Variants in SLC35F2 observed in about 807,000 individuals in gnomAD.
The protein encoded by SLC35F2 is solute carrier family 35 member F2, also known as queuine/queuosine transporter SLC35F2.
In SLC35F2, 25 loss-of-function variants were observed where a neutral mutation model predicts 38.1. The observed-to-expected ratio is 0.66, with a 90% CI of 0.48 to 0.92. The LOEUF is 0.92. Ranked by LOEUF, SLC35F2 falls within the 40% of genes least tolerant of loss-of-function variation. The pLI is 0.00. For synonymous variants in SLC35F2, 173 were observed against 181.7 expected (o/e 0.95, Z 0.38); for missense variants, 409 against 452.9 (o/e 0.90, Z 0.88).
intron 1 of SLC35F2, among the ~76,000 whole-genome samples, chr11:107,839,745 C>T (rs1859987000): frequency 6.6e-6 from 1 of 152,124 alleles, no homozygotes; most frequent in Admixed American, 6.6e-5. Context: ...CCTCTGCCTC[C>T]TGGGTTCAAG....
At chr11:107,817,135 G>A (rs1374738087) in intron 1 of SLC35F2, among the ~76,000 whole-genome samples, 2 of 152,052 alleles carry the variant, frequency 1.3e-5, no homozygotes, top group Non-Finnish European at 2.9e-5. Flanking sequence ...CATTAGCGGG[G>A]TGTGGTGGCA....
rs71047623 is a variant in SLC35F2 at position 107,803,776 on chromosome 11, A to AACACACACACACACACACACACACAC, written c.785-622_785-621insGTGTGTGTGTGTGTGTGTGTGTGTGT. Reference sequence around the variant, plus strand: ...ACTTCTTTAATCTCATCCCATACTCAACACACACACACACACACACACACT... The same window carrying AACACACACACACACACACACACACAC: ...ACTTCTTTAATCTCATCCCATACTCAACACACACACACACACACACACACACACACACACACACACACACACACACT... On this transcript the variant is annotated intron_variant, in intron 6 of 7. Transcript: ENST00000525815. 4.4e-3 allele frequency among the ~76,000 whole-genome samples: 652 copies of AACACACACACACACACACACACACAC among 149,556 alleles called. 6 individuals carry two copies. Among genetic ancestry groups the AACACACACACACACACACACACACAC allele is most frequent in the East Asian group, 0.032 (158 of 4,996 alleles).
intron 1 of SLC35F2, among the ~76,000 whole-genome samples, chr11:107,817,544 T>C (rs1859594712): frequency 6.6e-6 from 1 of 152,082 alleles, no homozygotes; most frequent in Admixed American, 6.5e-5. Flanking sequence ...AGATCATTTC[T>C]CATGTCTAAA....
chr11:107,802,242 A>AAAATAAATAAATAAAT (rs1555082409), intron 7 of SLC35F2, among the ~76,000 whole-genome samples: 161 of 147,976 alleles, frequency 1.1e-3, no homozygotes, highest in Middle Eastern at 7.0e-3. Flanking sequence ...CATCTCAAAA[A>AAAATAAATAAATAAAT]AAATAAATAA....
intron 1 of SLC35F2, among the ~76,000 whole-genome samples, chr11:107,817,302 A>AAAAAG (rs928898926): frequency 1.3e-5 from 2 of 151,722 alleles, no homozygotes; most frequent in South Asian, 2.1e-4. Context: ...GAAAAGAAAA[A>AAAAAG]AAAAGAAAAG....
At chr11:107,823,123 T>C (rs1402742804) in intron 1 of SLC35F2, 4 of 984,686 alleles carry the variant, frequency 4.1e-6, no homozygotes, top group Non-Finnish European at 4.8e-6. Flanking sequence ...AAAATAACAC[T>C]GACAACAAGA....
Position 107,804,976 on chromosome 11 carries a change from G to A in SLC35F2, c.732-206C>T. The A allele has an allele frequency of 4.4e-6, 4 of 901,298 alleles. No homozygotes were observed. In the South Asian group the frequency reaches 1.5e-4, roughly 35 times the overall value. The allele number at this position is 901,298 out of a possible 1,614,324, so 55.8% of individuals were successfully genotyped here. A position where few individuals can be genotyped will look rare whatever the true frequency, so the allele number is the denominator to read the frequency against. ...AAAGATATGTTTGACTCCCTTACAGGTGCTCTGAAATAATAGTCAAGTATA... is the reference window on the plus strand; with the variant it reads ...AAAGATATGTTTGACTCCCTTACAGATGCTCTGAAATAATAGTCAAGTATA... On this transcript the variant is annotated intron_variant, in intron 5 of 7. Coordinates refer to ENST00000525815, the MANE Select transcript of SLC35F2 (RefSeq NM_017515.5).
intron 1 of SLC35F2, among the ~76,000 whole-genome samples, chr11:107,822,890 G>A (rs1244720028): frequency 6.6e-6 from 1 of 151,982 alleles, no homozygotes; most frequent in Non-Finnish European, 1.5e-5. Flanking sequence ...GAGGAATGCA[G>A]GAAAGGCCAT....
chr11:107,842,830 T>A (rs114293684), intron 1 of SLC35F2, among the ~76,000 whole-genome samples: 1,913 of 152,292 alleles, frequency 0.013, 51 homozygotes, highest in African/African-American at 0.043. Context: ...AGAAGCCCTT[T>A]ACACATGATC....
intron 1 of SLC35F2, among the ~76,000 whole-genome samples, chr11:107,839,645 G>A (rs1859985421): frequency 6.6e-6 from 1 of 152,128 alleles, no homozygotes; most frequent in Non-Finnish European, 1.5e-5. Flanking sequence ...GCTGAAAGGA[G>A]AAAGCGTGAA....
chr11:107,822,567 C>A (rs1169387374), intron 1 of SLC35F2, among the ~76,000 whole-genome samples: 3 of 152,118 alleles, frequency 2.0e-5, no homozygotes, highest in Non-Finnish European at 4.4e-5. Context: ...CAAAATACCA[C>A]AACCCTCCAT....
intron 1 of SLC35F2, among the ~76,000 whole-genome samples, chr11:107,834,442 G>C (rs1193589592): frequency 6.6e-6 from 1 of 152,166 alleles, no homozygotes; most frequent in Non-Finnish European, 1.5e-5. Flanking sequence ...CTTGAGGTCA[G>C]GAGTTCGAGA....
At chr11:107,808,212 ATCC>A (rs763888981) in intron 3 of SLC35F2, among the ~76,000 whole-genome samples, 63 of 152,298 alleles carry the variant, frequency 4.1e-4, no homozygotes, top group Non-Finnish European at 6.6e-4. Context: ...ACTCTTGCTC[ATCC>A]TCCTCACATG....
chr11:107,841,861 G>A (rs967270011), intron 1 of SLC35F2, among the ~76,000 whole-genome samples: 7 of 151,860 alleles, frequency 4.6e-5, no homozygotes, highest in East Asian at 1.9e-4. Context: ...TCAGGAGTTC[G>A]AAACCAGTCT....
intron 1 of SLC35F2, among the ~76,000 whole-genome samples, chr11:107,828,058 G>T (rs1859782978): frequency 1.3e-5 from 2 of 152,156 alleles, no homozygotes; most frequent in Admixed American, 1.3e-4. Flanking sequence ...ACTAAGGATT[G>T]AATCTATGAC....
chr11:107,850,309 G>A (rs1159393003), intron 1 of SLC35F2, among the ~76,000 whole-genome samples: 3 of 152,150 alleles, frequency 2.0e-5, no homozygotes, highest in Admixed American at 6.6e-5. Flanking sequence ...TCTAACACTG[G>A]TGGATGGACC....
At chr11:107,811,119 T>C (rs1269642134) in intron 3 of SLC35F2, 1 of 985,212 alleles carries the variant, frequency 1.0e-6, no homozygotes, top group Non-Finnish European at 1.2e-6. Context: ...ACAACTGAAA[T>C]CAGTTGTCTT....
chr11:107,797,332 G>A (rs1014490719), intron 7 of SLC35F2, among the ~76,000 whole-genome samples: 12 of 151,922 alleles, frequency 7.9e-5, no homozygotes, highest in Non-Finnish European at 1.8e-4. Flanking sequence ...GAGGGAAAAG[G>A]AAGAGAAAGA....
chr11:107,813,675 T>C (rs1459719355), intron 2 of SLC35F2, among the ~76,000 whole-genome samples: 1 of 152,108 alleles, frequency 6.6e-6, no homozygotes, highest in Non-Finnish European at 1.5e-5. Flanking sequence ...TCTTCTTTTT[T>C]TTCCTTTGGA....
Sources: allele counts gnomAD v4.1 joint callset (sites outside exome capture counted in the v4.1 genomes callset), GRCh38; gene constraint gnomAD v4.1.1; transcripts MANE v1.5; gene names NCBI Gene and HGNC (gene_info 2026-07-23, HGNC 2026-07-21).